The following FUT8 variants were observed in gnomAD, a reference collection of about 807,000 sequenced individuals.
The protein encoded by FUT8 is alpha-(1,6)-fucosyltransferase.
FUT8 carries 29 observed loss-of-function variants against 71.3 expected under a neutral mutation model. The ratio of observed to expected loss-of-function variants is 0.41; its 90% CI spans 0.30 to 0.55. The LOEUF is 0.55. Ranked by LOEUF, FUT8 falls within the 20% of genes least tolerant of loss-of-function variation. FUT8 has a pLI of 0.34. For synonymous variants in FUT8, 254 were observed against 239.3 expected (o/e 1.06, Z -0.57); for missense variants, 544 against 702.1 (o/e 0.77, Z 2.55).
intron 7 of FUT8, among the ~76,000 whole-genome samples, chr14:65,695,187 C>T (rs539318806): frequency 1.4e-4 from 22 of 152,310 alleles, no homozygotes; most frequent in African/African-American, 5.3e-4. Flanking sequence ...ATTGATGGTG[C>T]TGCTCAGTTC....
rs185360848 is a variant in FUT8 at position 65,544,641 on chromosome 14, G to C, written c.-227-16696G>C. Among the ~76,000 whole-genome samples, 482 of 152,196 alleles carry C rather than the reference G, an allele frequency of 3.2e-3. 2 individuals are homozygous for C. The highest frequency in any genetic ancestry group is 0.01 in the African/African-American group (434 of 41,558). On this transcript the variant is annotated intron_variant, in intron 2 of 10. Coordinates refer to ENST00000673929, the MANE Select transcript of FUT8 (RefSeq NM_001371533.1). ...GCCTGGTGTGTTATTGTGTGTAATTGTTAAGGTGAGTGAGATATTCTTGAT... is the reference window on the plus strand; with the variant it reads ...GCCTGGTGTGTTATTGTGTGTAATTCTTAAGGTGAGTGAGATATTCTTGAT...
chr14:65,550,706 C>G lies in FUT8; in HGVS notation c.-227-10631C>G, dbSNP rs952140419. ...CTAGCACATATTTCGATACTTGTTT[C>G]AGCGCTCTTGTCTGCTGTCATCATT... On this transcript the variant is annotated intron_variant, in intron 2 of 10. Coordinates refer to ENST00000673929, the MANE Select transcript of FUT8 (RefSeq NM_001371533.1). The surrounding 1 kb of genome is among the most constrained non-coding windows in gnomAD (Gnocchi z 4.5). 2.6e-5 allele frequency among the ~76,000 whole-genome samples: 4 copies of G among 152,074 alleles called. No individual in the cohort carries two copies. The South Asian group carries it at 6.2e-4, about 24-fold the overall frequency.
At position 65,554,250 on chromosome 14, in the gene FUT8, C is replaced by G. The variant is rs1055482515; in HGVS notation, c.-227-7087C>G. The stretch of plus-strand genomic sequence containing the variant: ...TTTAGCATTTCTTCTTTGCCGAATC[C>G]CTTATCTGTTTTTGTATTTTGTTCA... On this transcript the variant is annotated intron_variant, in intron 2 of 10. Transcript: ENST00000673929. Among the ~76,000 whole-genome samples the G allele has an allele frequency of 2.0e-5, 3 of 151,600 alleles. No individual in the cohort carries two copies. The South Asian group carries it at 6.3e-4, about 32-fold the overall frequency.
intron 2 of FUT8, among the ~76,000 whole-genome samples, chr14:65,532,129 A>T (rs1883998732): frequency 1.3e-5 from 2 of 152,182 alleles, no homozygotes; most frequent in Non-Finnish European, 1.5e-5. Context: ...TCTTTTGGTT[A>T]TATACCCAGT....
chr14:65,500,222 G>A (rs28482071), intron 2 of FUT8, among the ~76,000 whole-genome samples: 1,591 of 152,196 alleles, frequency 0.01, 30 homozygotes, highest in African/African-American at 0.037. Context: ...CCATTAAGTG[G>A]TTCTCATTCC....
intron 3 of FUT8, among the ~76,000 whole-genome samples, chr14:65,567,569 C>T (rs189679070): frequency 2.0e-3 from 311 of 151,994 alleles, no homozygotes; most frequent in Middle Eastern, 6.8e-3. Context: ...ATTCTTAAAG[C>T]CAGTGAGATA....
intron 8 of FUT8, among the ~76,000 whole-genome samples, chr14:65,722,899 C>T (rs984551360): frequency 1.3e-5 from 2 of 151,984 alleles, no homozygotes; most frequent in Admixed American, 1.3e-4. Context: ...GACCTAAAGG[C>T]GTATAAGTCT....
At chr14:65,444,065 G>A (rs574555577) in intron 1 of FUT8, among the ~76,000 whole-genome samples, 1 of 152,188 alleles carries the variant, frequency 6.6e-6, no homozygotes, top group Admixed American at 6.5e-5. Context: ...TCTTAATGTT[G>A]CACATGGTTC....
Position 65,497,948 on chromosome 14 carries a change from G to A in FUT8, c.-228+42230G>A, listed in dbSNP as rs55954698. ...GGGAGCGATTTTCTGCTGCTAACTA[G>A]AAGAAAAGCATAACTACAAATAATT... On this transcript the variant is annotated intron_variant, in intron 2 of 10. Transcript: ENST00000673929. Among the ~76,000 whole-genome samples the A allele has an allele frequency of 7.8e-3, 1,182 of 152,170 alleles. 9 individuals are homozygous for A. Among genetic ancestry groups the A allele is most frequent in the African/African-American group, 0.024 (985 of 41,518 alleles).
intron 2 of FUT8, among the ~76,000 whole-genome samples, chr14:65,527,191 C>A (rs1315291165): frequency 6.6e-6 from 1 of 152,228 alleles, no homozygotes; most frequent in African/African-American, 2.4e-5. Flanking sequence ...CTGTCACTTT[C>A]AGGTATGCCA....
At chr14:65,499,835 G>T (rs1017304010) in intron 2 of FUT8, among the ~76,000 whole-genome samples, 8 of 144,752 alleles carry the variant, frequency 5.5e-5, no homozygotes, top group African/African-American at 1.6e-4. Context: ...AAAAAAAAAT[G>T]CCAGCAAATA....
intron 2 of FUT8, among the ~76,000 whole-genome samples, chr14:65,514,722 A>G (rs533599472): frequency 8.2e-4 from 124 of 150,358 alleles, no homozygotes; most frequent in African/African-American, 2.8e-3. Flanking sequence ...TTTTTTTATG[A>G]TACTTTAAGT....
chr14:65,538,293 G>T, intron 2 of FUT8, among the ~76,000 whole-genome samples: 1 of 152,282 alleles, frequency 6.6e-6, no homozygotes, highest in African/African-American at 2.4e-5. Flanking sequence ...GTCGCTCCTT[G>T]CCTGTTCAAC....
the FUT8 span, among the ~76,000 whole-genome samples, chr14:65,383,348 C>T: frequency 5.9e-4 from 83 of 140,774 alleles, no homozygotes; most frequent in Admixed American, 2.0e-3. Context: ...GATCTTGGCT[C>T]ACCGCAATCG....
intron 2 of FUT8, among the ~76,000 whole-genome samples, chr14:65,541,731 G>C (rs1258710047): frequency 6.6e-6 from 1 of 152,176 alleles, no homozygotes; most frequent in Non-Finnish European, 1.5e-5. Context: ...TGTTTTACCA[G>C]TGATCTGGGT....
chr14:65,530,764 G>A (rs1265211461), intron 2 of FUT8, among the ~76,000 whole-genome samples: 4 of 150,986 alleles, frequency 2.6e-5, no homozygotes, highest in Non-Finnish European at 4.4e-5. Context: ...ATCACTGCCT[G>A]TTTTATGGTG....
rs1566851500 is a variant in FUT8 at position 65,611,284 on chromosome 14, CACACACACACACACA to C, written c.204-4693_204-4679del. 4.4e-4 allele frequency among the ~76,000 whole-genome samples: 18 copies of C among 41,354 alleles called. 2 individuals carry two copies. The highest frequency in any genetic ancestry group is 3.7e-3 in the East Asian group (3 of 820). 27.1% of individuals were successfully genotyped at this position (41,354 alleles called of 152,430 possible). On this transcript the variant is annotated intron_variant, in intron 3 of 10. Transcript: ENST00000673929. ...ACACACACACACACACACACACACA[CACACACACACACACA>C]CACCCCCCAAGTAATAGCCTTGATT...
intron 7 of FUT8, among the ~76,000 whole-genome samples, chr14:65,714,764 G>A (rs762372731): frequency 2.6e-5 from 4 of 151,964 alleles, no homozygotes; most frequent in Non-Finnish European, 4.4e-5. Context: ...TCTTTCATCA[G>A]TGTTTTATAG....
intron 7 of FUT8, among the ~76,000 whole-genome samples, chr14:65,682,449 G>A (rs1271514223): frequency 1.3e-5 from 2 of 151,816 alleles, no homozygotes; most frequent in Non-Finnish European, 2.9e-5. Flanking sequence ...AAGCTACAGT[G>A]AACTAGGATC....
Sources: gnomAD v4.1 joint callset for allele counts (sites outside exome capture counted in the v4.1 genomes callset) on GRCh38, gnomAD v4.1.1 for gene constraint, Gnocchi (gnomAD v3.1) non-coding constraint, MANE v1.5 for transcripts, NCBI Gene and HGNC (gene_info 2026-07-23, HGNC 2026-07-21) for gene names.